CDHR2: variants seen among roughly 807,000 people sequenced by gnomAD.
The protein encoded by CDHR2 is cadherin related family member 2.
CDHR2 carries 104 observed loss-of-function variants against 138.6 expected under a neutral mutation model. That is an observed-to-expected ratio of 0.75 (90% CI 0.64 to 0.88). The LOEUF (loss-of-function observed/expected upper bound fraction) is 0.88, where lower values mean the gene tolerates loss of function less well. Ranked by LOEUF, CDHR2 falls within the 40% of genes least tolerant of loss-of-function variation. The probability of loss-of-function intolerance (pLI) is 0.00; values close to 1 mark genes in which losing one functional copy is unlikely to be tolerated. For missense variants in CDHR2, 1,624 were observed against 1,727.6 expected (o/e 0.94, Z 1.06); for synonymous variants, 755 against 742.8 (o/e 1.02, Z -0.27).
rs567436024 is a variant in CDHR2 at position 176,582,528 on chromosome 5, A to G, written c.2058+946A>G. Among the ~76,000 whole-genome samples, 5 of 152,250 alleles carry G rather than the reference A, an allele frequency of 3.3e-5. No homozygotes were observed. The East Asian group carries it at 9.7e-4, about 29-fold the overall frequency. Reference sequence around the variant, plus strand: ...CCTAGTTGCTGTGGCTCATGCCAAAAACCTCAGTACTTTGGGAGGCCAAGG... The same window carrying G: ...CCTAGTTGCTGTGGCTCATGCCAAAGACCTCAGTACTTTGGGAGGCCAAGG... On this transcript the variant is annotated intron_variant, in intron 17 of 31. Coordinates refer to ENST00000261944, the MANE Select transcript of CDHR2 (RefSeq NM_017675.6).
chr5:176,573,625 C>T (rs763046174), intron 6 of CDHR2, among the ~76,000 whole-genome samples: 8 of 149,728 alleles, frequency 5.3e-5, no homozygotes, highest in East Asian at 4.0e-4. Flanking sequence ...CCAGCCTGGG[C>T]GAAAGAGTGA....
chr5:176,586,332 G>A (rs1182686337), intron 20 of CDHR2, among the ~76,000 whole-genome samples: 6 of 152,198 alleles, frequency 3.9e-5, no homozygotes, highest in Admixed American at 3.9e-4. Flanking sequence ...AGTAGCTGGG[G>A]CTACAGGCAT....
At position 176,578,550 on chromosome 5, in the gene CDHR2, G is replaced by A; in HGVS notation, c.1760G>A (p.Ser587Asn). 1 of 1,614,062 alleles carries A rather than the reference G, an allele frequency of 6.2e-7. No individual in the cohort carries two copies. ...LDINDNAPVV[S>N]GSYNIFVQEE... ...ATCAACGACAATGCACCCGTGGTTA[G>A]CGGCTCCTACAACATCTTCGTCCAG... The change falls in exon 16 of 32, where the codon AGC becomes AAC. Residue 587 changes from serine (S) to asparagine (N), a missense_variant. This residue lies in a region of CDHR2 where 1,061 missense variants were observed against 1,136.6 expected (regional missense o/e 0.93). Transcript: ENST00000261944.
intron 5 of CDHR2, among the ~76,000 whole-genome samples, chr5:176,569,724 C>T (rs113950229): frequency 9.7e-4 from 148 of 152,174 alleles, no homozygotes; most frequent in African/African-American, 2.9e-3. Flanking sequence ...TTTGGGAGGC[C>T]GAGGTGGGCA....
intron 6 of CDHR2, among the ~76,000 whole-genome samples, chr5:176,573,649 GA>G (rs34171825): frequency 2.0e-5 from 3 of 147,676 alleles, no homozygotes; most frequent in Non-Finnish European, 3.0e-5. Context: ...TCCATCTCAG[GA>G]AAAAAAAAAG....
At chr5:176,577,902 T>G (rs11747451) in intron 14 of CDHR2, 104 bp downstream of exon 14, 1 of 1,478,560 alleles carries the variant, frequency 6.8e-7, no homozygotes, top group South Asian at 1.3e-5. Flanking sequence ...GGGGTGGCCA[T>G]GAGTGAATCT....
At chr5:176,558,519 G>A (rs1256243097) in intron 1 of CDHR2, among the ~76,000 whole-genome samples, 2 of 152,222 alleles carry the variant, frequency 1.3e-5, no homozygotes, top group African/African-American at 4.8e-5. Context: ...AGGTAGCTGG[G>A]ATTACAGGCA....
chr5:176,580,338 G>C (rs927827977), intron 16 of CDHR2, among the ~76,000 whole-genome samples: 2 of 152,144 alleles, frequency 1.3e-5, no homozygotes, highest in African/African-American at 4.8e-5. Context: ...AAACCAGCCT[G>C]GCCAACATAG....
chr5:176,584,611 CAGTG>C lies in CDHR2; in HGVS notation c.2335_2338del (p.Ser779LeufsTer12). The C allele has an allele frequency of 3.7e-6, 6 of 1,607,064 alleles. No homozygotes were observed. The highest frequency in any genetic ancestry group is 5.1e-6 in the Non-Finnish European group (6 of 1,174,922). On this transcript the variant is annotated frameshift_variant, in exon 19 of 32. Transcript: ENST00000261944. LOFTEE classifies it high-confidence loss of function. ...GAGACACAGCCCGTCTTCAACTTGA[CAGTG>C]AGTGCTGAGAACCCAGACCCCCAGG...
chr5:176,585,135 CA>C (rs1758629604), intron 19 of CDHR2, 120 bp downstream of exon 19: 1 of 1,238,208 alleles, frequency 8.1e-7, no homozygotes. Context: ...TTTCCAGCTG[CA>C]AATACTGGGA....
chr5:176,551,701 C>CTCT (rs1757707876), intron 1 of CDHR2, among the ~76,000 whole-genome samples: 1 of 114,284 alleles, frequency 8.8e-6, no homozygotes, highest in South Asian at 2.8e-4. Context: ...CAAGAGTTCT[C>CTCT]TTTTTTTTTT....
chr5:176,548,801 G>A (rs1757642150), upstream of CDHR2, among the ~76,000 whole-genome samples: 1 of 152,178 alleles, frequency 6.6e-6, no homozygotes, highest in Non-Finnish European at 1.5e-5. Context: ...AGCCCCTGGG[G>A]ACGGGCAGAT....
At position 176,568,975 on chromosome 5, in the gene CDHR2, A is replaced by T. The variant is rs780350304; in HGVS notation, c.280A>T (p.Lys94Ter). 1 of 1,614,080 alleles carries T rather than the reference A, an allele frequency of 6.2e-7. No homozygotes were observed. Among genetic ancestry groups the T allele is most frequent in the Non-Finnish European group, 8.5e-7 (1 of 1,179,990 alleles). The stretch of plus-strand genomic sequence containing the variant: ...GCTGCTGCAGACACTCTACACATTC[A>T]AAGTCACCATCTCCGTGAGCGACCC... ...ALDYETLYTF[K>*]VTISVSDPYI... The change falls in exon 5 of 32, where the codon AAA becomes TAA. Residue 94 changes from lysine (K) to a stop codon, truncating the protein, a stop_gained. Transcript: ENST00000261944. LOFTEE classifies it high-confidence loss of function.
chr5:176,563,297 G>T (rs773051376), intron 1 of CDHR2, among the ~76,000 whole-genome samples: 5 of 152,128 alleles, frequency 3.3e-5, no homozygotes, highest in African/African-American at 1.2e-4. Flanking sequence ...GCAGTGAGCC[G>T]AGATGGCACC....
At chr5:176,568,903 C>T in intron 4 of CDHR2, 57 bp from the exon 5 acceptor site, 7 of 1,611,550 alleles carry the variant, frequency 4.3e-6, no homozygotes, top group East Asian at 2.2e-5. Context: ...GGCGGCACCC[C>T]CTGTGCTCCC....
intron 1 of CDHR2, among the ~76,000 whole-genome samples, chr5:176,551,743 C>T (rs1757709163): frequency 6.9e-6 from 1 of 144,258 alleles, no homozygotes; most frequent in Non-Finnish European, 1.5e-5. Flanking sequence ...GCTCTGTCAC[C>T]CAAGCTGGAG....
At chr5:176,588,915 G>A in intron 21 of CDHR2, 116 bp from the exon 22 acceptor site, 1 of 1,016,286 alleles carries the variant, frequency 9.8e-7, no homozygotes, top group South Asian at 1.5e-5. Flanking sequence ...CGTGGGGATG[G>A]CGGATAGAGA....
intron 3 of CDHR2, chr5:176,567,143 G>C: frequency 2.6e-6 from 1 of 386,112 alleles, no homozygotes; most frequent in Admixed American, 3.1e-5. Context: ...TCTATCCCAT[G>C]GAGGCTGGAG....
upstream of CDHR2, among the ~76,000 whole-genome samples, chr5:176,546,849 C>T (rs2913916): frequency 0.95 from 144,704 of 151,924 alleles, 69,288 homozygotes; most frequent in East Asian, 1. Flanking sequence ...TCGCATCGAG[C>T]GCTACCCAGT....
Sources: allele counts gnomAD v4.1 joint callset (sites outside exome capture counted in the v4.1 genomes callset), GRCh38; gene constraint gnomAD v4.1.1; regional missense constraint gnomAD v4.1.1; transcripts MANE v1.5; gene names NCBI Gene and HGNC (gene_info 2026-07-23, HGNC 2026-07-21).